PROM1: variants seen among roughly 807,000 people sequenced by gnomAD.
PROM1 encodes prominin-1.
Under a neutral mutation model 116.9 loss-of-function variants are expected in PROM1, and 105 were observed. The ratio of observed to expected loss-of-function variants is 0.90; its 90% CI spans 0.77 to 1.06. PROM1 has a LOEUF of 1.06. Ranked by LOEUF, PROM1 falls within the 50% of genes least tolerant of loss-of-function variation. The pLI, the probability that PROM1 is intolerant of heterozygous loss-of-function variation, is 0.00. For synonymous variants in PROM1, 393 were observed against 387.0 expected (o/e 1.02, Z -0.18); for missense variants, 1,122 against 1,045.2 (o/e 1.07, Z -1.01).
chr4:16,001,988 C>G (rs1382547571), intron 13 of PROM1, among the ~76,000 whole-genome samples: 1 of 152,134 alleles, frequency 6.6e-6, no homozygotes, highest in Non-Finnish European at 1.5e-5. Flanking sequence ...GCGGGATCAA[C>G]CTGAGCAGGC....
At chr4:16,056,935 C>T (rs990717964) in intron 2 of PROM1, among the ~76,000 whole-genome samples, 1 of 152,248 alleles carries the variant, frequency 6.6e-6, no homozygotes, top group Admixed American at 6.5e-5. Flanking sequence ...TTGAAATACA[C>T]TCTCACACGA....
chr4:16,000,549 C>G lies in PROM1; in HGVS notation c.1525G>C (p.Ala509Pro). ...TCACAGATCAGTTTTTCCACATTTG[C>G]ACCAAAGACAAAGGTAAGAACCACA... ...IIVVLTFVFG[A>P]NVEKLICEPY... The change falls in exon 14 of 28, where the codon GCA (alanine) becomes CCA (proline). Residue 509 changes from alanine to proline, a missense_variant. By Grantham distance (27) the Ala-to-Pro change is conservative. Transcript: ENST00000447510. 6.3e-7 allele frequency: 1 copy of G among 1,591,888 alleles called. No individual in the cohort carries two copies. Among genetic ancestry groups the G allele is most frequent in the Non-Finnish European group, 8.6e-7 (1 of 1,160,396 alleles).
chr4:15,998,930 A>G (rs1308759970), intron 14 of PROM1, among the ~76,000 whole-genome samples: 1 of 151,990 alleles, frequency 6.6e-6, no homozygotes, highest in Admixed American at 6.5e-5. Flanking sequence ...GCATTTCACC[A>G]TGTTGGCCAG....
chr4:16,045,491 C>A (rs1466078922), intron 2 of PROM1, among the ~76,000 whole-genome samples: 1 of 152,150 alleles, frequency 6.6e-6, no homozygotes, highest in Non-Finnish European at 1.5e-5. Flanking sequence ...GAGATTTGGG[C>A]TTGTTTCTCT....
At chr4:15,970,820 A>T (rs59595056) in intron 27 of PROM1, among the ~76,000 whole-genome samples, 107 of 117,794 alleles carry the variant, frequency 9.1e-4, no homozygotes, top group Admixed American at 2.2e-3. Context: ...TTAAAAAAAA[A>T]TTTTTTTAGA....
Position 15,980,424 on chromosome 4 carries a change from A to C in PROM1, c.2487T>G (p.Asp829Glu). The change falls in exon 24 of 28, where the codon GAT becomes GAG. Residue 829 changes from aspartate (D) to glutamate (E), a missense_variant and splice_region_variant. By Grantham distance (45) the Asp-to-Glu change is conservative. Transcript: ENST00000447510. ...TCTGTGGAAGCCCACATACTTACTC[A>C]TCGTACACGTCCTCCGAATCCATTC... ...YRRMDSEDVY[D>E]DVETIPMKNM... 1.3e-6 allele frequency: 2 copies of C among 1,540,184 alleles called. No individual in the cohort carries two copies. Among genetic ancestry groups the C allele is most frequent in the Non-Finnish European group, 1.8e-6 (2 of 1,137,034 alleles).
At chr4:15,997,216 A>G (rs1722530611) in intron 15 of PROM1, among the ~76,000 whole-genome samples, 1 of 150,096 alleles carries the variant, frequency 6.7e-6, no homozygotes, top group Non-Finnish European at 1.5e-5. Flanking sequence ...CATTTCAATG[A>G]AACATATATA....
intron 2 of PROM1, among the ~76,000 whole-genome samples, chr4:16,060,277 A>G (rs542331719): frequency 2.0e-5 from 3 of 151,876 alleles, no homozygotes; most frequent in Non-Finnish European, 4.4e-5. Flanking sequence ...TAAGTTTTAA[A>G]AGCAAGGAGC....
intron 23 of PROM1, 42 bp from the exon 24 acceptor site, chr4:15,980,579 G>C: frequency 3.2e-5 from 38 of 1,174,440 alleles, no homozygotes; most frequent in Non-Finnish European, 4.2e-5. Context: ...TTGAAGATAA[G>C]AAATGGGAAA....
At chr4:16,028,037 T>A (rs564067571) in intron 5 of PROM1, among the ~76,000 whole-genome samples, 1 of 152,220 alleles carries the variant, frequency 6.6e-6, no homozygotes, top group Non-Finnish European at 1.5e-5. Flanking sequence ...TGTACTAAGC[T>A]GGGTGTGGTG....
At chr4:16,065,998 T>C (rs1741441044) in intron 2 of PROM1, among the ~76,000 whole-genome samples, 1 of 152,156 alleles carries the variant, frequency 6.6e-6, no homozygotes, top group South Asian at 2.1e-4. Flanking sequence ...CAGGCAGAGA[T>C]GAGAGTGATC....
rs889387361 is a variant in PROM1, at chr4:16,073,519, T to A, written c.220+2168A>T. On this transcript the variant is annotated intron_variant, in intron 2 of 27. Coordinates refer to ENST00000447510, the MANE Select transcript of PROM1 (RefSeq NM_006017.3). ...GAAATGTAGTAACTAGGTGAAAGAATACAAATAGGATGATGGAAGAAAACC... is the reference window on the plus strand; with the variant it reads ...GAAATGTAGTAACTAGGTGAAAGAAAACAAATAGGATGATGGAAGAAAACC... Among the ~76,000 whole-genome samples the A allele has an allele frequency of 2.0e-5, 3 of 152,248 alleles. No homozygotes were observed. The East Asian group carries it at 5.8e-4, about 29-fold the overall frequency.
chr4:16,074,671 G>A (rs1018748252), intron 2 of PROM1, among the ~76,000 whole-genome samples: 2 of 152,216 alleles, frequency 1.3e-5, no homozygotes, highest in African/African-American at 4.8e-5. Flanking sequence ...TGTTTTAATT[G>A]CCCTAAGACA....
chr4:16,036,461 T>C (rs1733957983), intron 3 of PROM1, among the ~76,000 whole-genome samples: 1 of 152,158 alleles, frequency 6.6e-6, no homozygotes, highest in Admixed American at 6.5e-5. Context: ...AGTTCAGATA[T>C]ACCTGCCTCT....
At chr4:16,035,833 A>G in intron 3 of PROM1, 72 bp from the exon 4 acceptor site, 1 of 1,394,998 alleles carries the variant, frequency 7.2e-7, no homozygotes, top group Non-Finnish European at 1.0e-6. Flanking sequence ...AGAAAAAGTT[A>G]TGAGTGATCA....
Position 16,025,198 on chromosome 4 carries a change from A to G in PROM1, c.624T>C (p.Thr208=). The G allele has an allele frequency of 6.2e-7, 1 of 1,613,702 alleles. No individual in the cohort carries two copies. Among genetic ancestry groups the G allele is most frequent in the Non-Finnish European group, 8.5e-7 (1 of 1,179,668 alleles). Residue 208 remains threonine (T), a synonymous_variant, in exon 6 of 28, where the codon ACT becomes ACC. Transcript: ENST00000447510. ...TAGAGATGATGGTTTTTACCTCTGGAGTTTCATTCAAGAGAGTTCGCAAGT... is the reference window on the plus strand; with the variant it reads ...TAGAGATGATGGTTTTTACCTCTGGGGTTTCATTCAAGAGAGTTCGCAAGT... ...FKDLRTLLNE[T]PEQIKYILAQ...
chr4:15,986,101 C>G, intron 20 of PROM1, 64 bp from the exon 21 acceptor site: 1 of 1,193,352 alleles, frequency 8.4e-7, no homozygotes, highest in Non-Finnish European at 1.2e-6. Flanking sequence ...AGACAATTTG[C>G]ATATTGATTC....
chr4:16,041,890 A>C (rs1735383609), intron 2 of PROM1, among the ~76,000 whole-genome samples: 1 of 151,624 alleles, frequency 6.6e-6, no homozygotes, highest in Non-Finnish European at 1.5e-5. Context: ...TGAAGGCTCA[A>C]ATTCCTGGAC....
intron 2 of PROM1, among the ~76,000 whole-genome samples, chr4:16,064,087 T>C (rs1357883019): frequency 6.6e-6 from 1 of 152,106 alleles, no homozygotes; most frequent in Non-Finnish European, 1.5e-5. Context: ...ATGAAAAAAA[T>C]GCATACCCCA....
Sources: gnomAD v4.1 joint callset for allele counts (sites outside exome capture counted in the v4.1 genomes callset) on GRCh38, gnomAD v4.1.1 for gene constraint, MANE v1.5 for transcripts, NCBI Gene and HGNC (gene_info 2026-07-23, HGNC 2026-07-21) for gene names.